Variants in PAK5 observed in about 807,000 individuals in gnomAD.
PAK5 encodes serine/threonine-protein kinase PAK 5.
A neutral mutation model predicts 65.9 loss-of-function variants in PAK5; 16 were observed. That is an observed-to-expected ratio of 0.24 (90% CI 0.16 to 0.37). PAK5 has a LOEUF of 0.37. Among genes scored for constraint, PAK5 ranks in the 10% least tolerant of loss-of-function variants. The probability of loss-of-function intolerance (pLI) is 1.00; values close to 1 mark genes in which losing one functional copy is unlikely to be tolerated. For missense variants in PAK5, 785 were observed against 903.9 expected, an observed-to-expected ratio of 0.87 and a Z score of 1.69; for synonymous variants, 371 against 354.9, an observed-to-expected ratio of 1.05 and a Z score of -0.51.
At chr20:9,814,791 C>T (rs909487813) in intron 1 of PAK5, among the ~76,000 whole-genome samples, 2 of 152,138 alleles carry the variant, frequency 1.3e-5, no homozygotes, top group African/African-American at 4.8e-5. Context: ...AGCAATGACA[C>T]GAGGGTGGAC....
intron 2 of PAK5, among the ~76,000 whole-genome samples, chr20:9,705,449 T>G (rs116959262): frequency 0.029 from 4,372 of 152,212 alleles, 70 homozygotes; most frequent in Non-Finnish European, 0.045. Flanking sequence ...TCAAAGGGAA[T>G]AGTCATATAC....
intron 3 of PAK5, among the ~76,000 whole-genome samples, chr20:9,599,476 T>G (rs2046324373): frequency 6.6e-6 from 1 of 152,248 alleles, no homozygotes; most frequent in African/African-American, 2.4e-5. Context: ...CAGCACTGCA[T>G]GAGGATGCCA....
intron 3 of PAK5, among the ~76,000 whole-genome samples, chr20:9,582,608 T>G (rs1267024539): frequency 1.3e-5 from 2 of 152,144 alleles, no homozygotes. Context: ...CTGTATATTG[T>G]ATTCTTTGGG....
intron 3 of PAK5, among the ~76,000 whole-genome samples, chr20:9,601,410 A>T (rs959482559): frequency 1.8e-4 from 27 of 152,158 alleles, no homozygotes; most frequent in Admixed American, 5.2e-4. Flanking sequence ...CCCTTTATTA[A>T]TCTTTATGTG....
At chr20:9,693,264 A>G (rs1281051535) in intron 2 of PAK5, among the ~76,000 whole-genome samples, 2 of 152,162 alleles carry the variant, frequency 1.3e-5, no homozygotes, top group Non-Finnish European at 2.9e-5. Flanking sequence ...TGATAATCTA[A>G]GAGTGGGATA....
intron 7 of PAK5, among the ~76,000 whole-genome samples, chr20:9,548,028 T>C (rs959620721): frequency 1.2e-4 from 19 of 152,198 alleles, no homozygotes; most frequent in African/African-American, 4.1e-4. Flanking sequence ...CCACACCCCA[T>C]CTTCCTACTG....
chr20:9,742,904 T>G (rs2048465325), intron 1 of PAK5, among the ~76,000 whole-genome samples: 1 of 152,208 alleles, frequency 6.6e-6, no homozygotes, highest in Non-Finnish European at 1.5e-5. Flanking sequence ...TTGTAAACAC[T>G]GTGATGGGAT....
At chr20:9,606,456 C>T (rs1360363449) in intron 3 of PAK5, among the ~76,000 whole-genome samples, 6 of 152,122 alleles carry the variant, frequency 3.9e-5, no homozygotes, top group Non-Finnish European at 5.9e-5. Context: ...TACACAGGTG[C>T]TTGTCAAGTG....
intron 1 of PAK5, among the ~76,000 whole-genome samples, chr20:9,826,119 T>C (rs753290046): frequency 1.3e-5 from 2 of 152,184 alleles, no homozygotes; most frequent in Non-Finnish European, 2.9e-5. Flanking sequence ...ACATGGTCAG[T>C]GTTGACAAAT....
At chr20:9,757,704 A>ATGAATACACTAGAAT (rs1306486942) in intron 1 of PAK5, among the ~76,000 whole-genome samples, 1 of 152,188 alleles carries the variant, frequency 6.6e-6, no homozygotes, top group Non-Finnish European at 1.5e-5. Flanking sequence ...TGAATACACT[A>ATGAATACACTAGAAT]ATGAAATGTT....
intron 7 of PAK5, among the ~76,000 whole-genome samples, chr20:9,544,978 T>A (rs2045322031): frequency 6.6e-6 from 1 of 152,242 alleles, no homozygotes; most frequent in South Asian, 2.1e-4. Flanking sequence ...ATCTCTTTTC[T>A]ATATTTGAAA....
Position 9,701,075 on chromosome 20 carries a change from C to A in PAK5, c.-12+10211G>T, listed in dbSNP as rs190122285. Among the ~76,000 whole-genome samples, 60 of 152,236 alleles carry A rather than the reference C, an allele frequency of 3.9e-4. 1 individual carries two copies. The highest frequency in any genetic ancestry group is 2.2e-3 in the Admixed American group (33 of 15,288). On this transcript the variant is annotated intron_variant, in intron 2 of 9. Coordinates refer to ENST00000353224, the MANE Select transcript of PAK5 (RefSeq NM_177990.4). ...CGTTTCCCTCTTTAAAAAGTTCTCA[C>A]CCCCTGCCTACTTTGCCTTACACCG...
At chr20:9,578,703 T>A (rs2045928809) in intron 4 of PAK5, among the ~76,000 whole-genome samples, 1 of 152,210 alleles carries the variant, frequency 6.6e-6, no homozygotes, top group African/African-American at 2.4e-5. Flanking sequence ...GCACAAGAAA[T>A]GGAATAAACT....
At chr20:9,561,987 A>T (rs2122973693) in intron 6 of PAK5, among the ~76,000 whole-genome samples, 1 of 152,266 alleles carries the variant, frequency 6.6e-6, no homozygotes, top group African/African-American at 2.4e-5. Context: ...ATCCACAGTG[A>T]TTTATGTGGA....
chr20:9,589,153 C>A (rs1455857937), intron 3 of PAK5, among the ~76,000 whole-genome samples: 1 of 152,176 alleles, frequency 6.6e-6, no homozygotes, highest in Admixed American at 6.5e-5. Context: ...GTAAATATAG[C>A]TCAGGAGGTT....
chr20:9,630,074 G>T (rs1332538060), intron 3 of PAK5, among the ~76,000 whole-genome samples: 1 of 152,176 alleles, frequency 6.6e-6, no homozygotes, highest in African/African-American at 2.4e-5. Flanking sequence ...GAAAAGTGTT[G>T]AAGGAACCCT....
intron 3 of PAK5, among the ~76,000 whole-genome samples, chr20:9,616,497 G>A (rs2046658469): frequency 6.6e-6 from 1 of 152,204 alleles, no homozygotes; most frequent in Non-Finnish European, 1.5e-5. Flanking sequence ...TGTTCTCTAT[G>A]GTAGGGTTTC....
chr20:9,740,063 A>G (rs1426426646), intron 1 of PAK5, among the ~76,000 whole-genome samples: 1 of 152,218 alleles, frequency 6.6e-6, no homozygotes, highest in East Asian at 1.9e-4. Flanking sequence ...ACTCTGGTAC[A>G]AAGAAATTTC....
At chr20:9,741,442 G>A (rs770832840) in intron 1 of PAK5, among the ~76,000 whole-genome samples, 3 of 152,026 alleles carry the variant, frequency 2.0e-5, no homozygotes, top group African/African-American at 4.8e-5. Context: ...TAGCAATAAC[G>A]CTTTTGGAAT....
Sources: gnomAD v4.1 joint callset for allele counts (sites outside exome capture counted in the v4.1 genomes callset) on GRCh38, gnomAD v4.1.1 for gene constraint, MANE v1.5 for transcripts, NCBI Gene and HGNC (gene_info 2026-07-23, HGNC 2026-07-21) for gene names.